TACO1: variants seen among roughly 807,000 people sequenced by gnomAD.
The protein encoded by TACO1 is translational activator of cytochrome c oxidase 1.
Under a neutral mutation model 24.0 loss-of-function variants are expected in TACO1, and 13 were observed. The ratio of observed to expected loss-of-function variants is 0.54; its 90% CI spans 0.35 to 0.86. The LOEUF (loss-of-function observed/expected upper bound fraction) is 0.86. Among genes scored for constraint, TACO1 ranks in the 40% least tolerant of loss-of-function variants. The pLI is 0.01. For synonymous variants in TACO1, 149 were observed against 153.5 expected (o/e 0.97, Z 0.22); for missense variants, 352 against 380.1 (o/e 0.93, Z 0.61).
chr17:63,608,236 G>A lies in TACO1; in HGVS notation c.*234G>A. 1.7e-6 allele frequency: 1 copy of A among 586,646 alleles called. No homozygotes were observed. Among genetic ancestry groups the A allele is most frequent in the South Asian group, 1.9e-5 (1 of 53,934 alleles). 36.3% of individuals were successfully genotyped at this position (586,646 alleles called of 1,614,324 possible). On this transcript the variant is annotated 3_prime_UTR_variant, in exon 5 of 5. Coordinates refer to ENST00000258975, the MANE Select transcript of TACO1 (RefSeq NM_016360.4). ...TGAGTGTCCCGACACCCTCTCGGAT[G>A]CAGGGCAGGACCACCCAGCTGGTCA...
intron 1 of TACO1, among the ~76,000 whole-genome samples, chr17:63,602,718 C>T (rs1345172083): frequency 6.6e-6 from 1 of 151,762 alleles, no homozygotes; most frequent in African/African-American, 2.4e-5. Flanking sequence ...TTAATAGAGA[C>T]AGGGTTTCAC....
chr17:63,601,690 G>A (rs2033822988), intron 1 of TACO1, among the ~76,000 whole-genome samples: 1 of 152,194 alleles, frequency 6.6e-6, no homozygotes, highest in Admixed American at 6.5e-5. Context: ...CAGGGCAGAT[G>A]TGTGTCTCTC....
At chr17:63,602,262 CAAAA>C (rs897099348) in intron 1 of TACO1, among the ~76,000 whole-genome samples, 2 of 60,394 alleles carry the variant, frequency 3.3e-5, no homozygotes. Flanking sequence ...GACTCCATCT[CAAAA>C]AAAAAAAAAA....
In TACO1 at chr17:63,608,226, C is replaced by G; in HGVS notation, c.*224C>G. The G allele has an allele frequency of 1.7e-6, 1 of 601,758 alleles. No individual in the cohort carries two copies. Among genetic ancestry groups the G allele is most frequent in the East Asian group, 3.0e-5 (1 of 33,588 alleles). 37.3% of individuals were successfully genotyped at this position (601,758 alleles called of 1,614,324 possible). A position where few individuals can be genotyped will look rare whatever the true frequency, so the allele number is the denominator to read the frequency against. On this transcript the variant is annotated 3_prime_UTR_variant, in exon 5 of 5. Coordinates refer to ENST00000258975, the MANE Select transcript of TACO1 (RefSeq NM_016360.4). ...GCCATCTGGATGAGTGTCCCGACAC[C>G]CTCTCGGATGCAGGGCAGGACCACC... is the stretch of plus-strand genomic sequence containing the variant.
intron 1 of TACO1, among the ~76,000 whole-genome samples, chr17:63,604,298 A>C (rs1005725018): frequency 2.0e-5 from 3 of 152,332 alleles, no homozygotes; most frequent in African/African-American, 2.4e-5. Flanking sequence ...AGATCGTGCC[A>C]CTGCACTCCA....
At chr17:63,605,907 G>A (rs1310990540) in intron 2 of TACO1, among the ~76,000 whole-genome samples, 1 of 152,112 alleles carries the variant, frequency 6.6e-6, no homozygotes, top group Non-Finnish European at 1.5e-5. Context: ...TTACGACAAG[G>A]CCTAGGTGTG....
chr17:63,607,079 CAG>C, intron 3 of TACO1: 1 of 607,346 alleles, frequency 1.6e-6, no homozygotes, highest in East Asian at 2.8e-5. Context: ...CAACTGCAAT[CAG>C]GGCAGAAAAT....
rs1194702945 is a variant in TACO1 at position 63,601,228 on chromosome 17, ACG to A, written c.147_148del (p.Leu50AlafsTer50). 6.2e-7 allele frequency: 1 copy of A among 1,600,270 alleles called. No individual in the cohort carries two copies. Among genetic ancestry groups the A allele is most frequent in the Middle Eastern group, 1.7e-4 (1 of 5,912 alleles). On this transcript the variant is annotated frameshift_variant, in exon 1 of 5. Coordinates refer to ENST00000258975, the MANE Select transcript of TACO1 (RefSeq NM_016360.4). LOFTEE classifies it high-confidence loss of function. ...GGGCTGCGGTGCCGCTCCGGGCAGG[ACG>A]CTGCACTTTACCGCGGCTGTCCCCG... ...PRGCGAAPGRTLHFTAAVPAG... is the reference protein window; with the variant it reads ...PRGCGAAPGRXLHFTAAVPAG...
At chr17:63,606,599 G>A (rs1342707725) in intron 3 of TACO1, 159 bp downstream of exon 3, 1 of 846,150 alleles carries the variant, frequency 1.2e-6, no homozygotes, top group Non-Finnish European at 1.9e-6. Context: ...AGGCTGGAGT[G>A]CAATGGCATG....
rs2147786149 is a variant in TACO1, at chr17:63,601,222, G to T, written c.139G>T (p.Gly47Cys). 6.3e-7 allele frequency: 1 copy of T among 1,595,248 alleles called. No individual in the cohort carries two copies. Among genetic ancestry groups the T allele is most frequent in the East Asian group, 2.3e-5 (1 of 44,146 alleles). ...PEPRGCGAAP[G>C]RTLHFTAAVP... Reference sequence around the variant, plus strand: ...GCCCCGGGGCTGCGGTGCCGCTCCGGGCAGGACGCTGCACTTTACCGCGGC... The same window carrying T: ...GCCCCGGGGCTGCGGTGCCGCTCCGTGCAGGACGCTGCACTTTACCGCGGC... Residue 47 changes from glycine to cysteine, a missense_variant, in exon 1 of 5, where the codon GGC becomes TGC. Coordinates refer to ENST00000258975, the MANE Select transcript of TACO1 (RefSeq NM_016360.4).
At chr17:63,607,621 C>T (rs976661506) in intron 4 of TACO1, among the ~76,000 whole-genome samples, 157 bp downstream of exon 4, 2 of 152,008 alleles carry the variant, frequency 1.3e-5, no homozygotes, top group Non-Finnish European at 2.9e-5. Context: ...TGAATAGGAC[C>T]GACTCTAGTG....
Position 63,608,125 on chromosome 17 carries a change from G to T in TACO1, c.*123G>T. Reference sequence around the variant, plus strand: ...AGGCTCAGCAGGCCAGGAGGCCCAAGGACAGGACTTGCGACCTTGAAGCCA... The same window carrying T: ...AGGCTCAGCAGGCCAGGAGGCCCAATGACAGGACTTGCGACCTTGAAGCCA... On this transcript the variant is annotated 3_prime_UTR_variant, in exon 5 of 5. Coordinates refer to ENST00000258975, the MANE Select transcript of TACO1 (RefSeq NM_016360.4). 3 of 1,106,910 alleles carry T rather than the reference G, an allele frequency of 2.7e-6. No individual in the cohort carries two copies. Among genetic ancestry groups the T allele is most frequent in the African/African-American group, 3.1e-5 (2 of 64,874 alleles). 68.6% of individuals were successfully genotyped at this position (1,106,910 alleles called of 1,614,324 possible).
At position 63,601,206 on chromosome 17, in the gene TACO1, C is replaced by T. The variant is rs759217671; in HGVS notation, c.123C>T (p.Gly41=). The part of the protein sequence containing the change: ...DPRPSHPEPR[G]CGAAPGRTLH... ...GGCCCTCCCACCCCGAGCCCCGGGG[C>T]TGCGGTGCCGCTCCGGGCAGGACGC... The change falls in exon 1 of 5, where the codon GGC becomes GGT. Residue 41 remains glycine (G), a synonymous_variant. Coordinates refer to ENST00000258975, the MANE Select transcript of TACO1 (RefSeq NM_016360.4). 6.3e-6 allele frequency: 10 copies of T among 1,576,404 alleles called. No homozygotes were observed. The highest frequency in any genetic ancestry group is 1.7e-6 in the Non-Finnish European group (2 of 1,161,666).
Position 63,607,798 on chromosome 17 carries a change from C to G in TACO1, c.694-4C>G. 7.4e-6 allele frequency: 12 copies of G among 1,613,776 alleles called. No individual in the cohort carries two copies. The highest frequency in any genetic ancestry group is 9.3e-6 in the Non-Finnish European group (11 of 1,179,962). On this transcript the variant is annotated splice_region_variant and splice_polypyrimidine_tract_variant and intron_variant, in intron 4 of 4. Transcript: ENST00000258975. ...CTCACCTCCTGACTTTCCTTTATCC[C>G]TAGTTTATTTGTGATGCCTCTTCAC...
At chr17:63,604,381 T>A (rs1343958773) in intron 1 of TACO1, among the ~76,000 whole-genome samples, 153 bp from the exon 2 acceptor site, 2 of 152,188 alleles carry the variant, frequency 1.3e-5, no homozygotes, top group East Asian at 3.9e-4. Context: ...CGTATCCCAC[T>A]GAAACACTAG....
intron 1 of TACO1, 86 bp downstream of exon 1, chr17:63,601,449 C>G: frequency 6.9e-7 from 1 of 1,447,568 alleles, no homozygotes; most frequent in South Asian, 1.2e-5. Flanking sequence ...TTGGGCCCAC[C>G]TAGATCTCCG....
chr17:63,601,457 C>A, intron 1 of TACO1, 94 bp downstream of exon 1: 1 of 1,388,390 alleles, frequency 7.2e-7, no homozygotes, highest in Non-Finnish European at 1.0e-6. Context: ...ACCTAGATCT[C>A]CGGCCCTTCA....
intron 1 of TACO1, 30 bp downstream of exon 1, chr17:63,601,393 C>G (rs1218270401): frequency 1.9e-6 from 3 of 1,608,064 alleles, no homozygotes; most frequent in Non-Finnish European, 1.7e-6. Context: ...CCAGCACTGG[C>G]TGCCGCTGCC....
At chr17:63,607,105 A>T in intron 3 of TACO1, 182 bp from the exon 4 acceptor site, 3 of 647,734 alleles carry the variant, frequency 4.6e-6, no homozygotes, top group Non-Finnish European at 8.2e-6. Context: ...GCGTGGGGAC[A>T]TTCTTGGGCT....
Sources: allele counts gnomAD v4.1 joint callset (sites outside exome capture counted in the v4.1 genomes callset), GRCh38; gene constraint gnomAD v4.1.1; transcripts MANE v1.5; gene names NCBI Gene and HGNC (gene_info 2026-07-23, HGNC 2026-07-21).